TTC28: variants seen among roughly 807,000 people sequenced by gnomAD.
TTC28 encodes tetratricopeptide repeat protein 28.
TTC28 carries 61 observed loss-of-function variants against 198.0 expected under a neutral mutation model. The observed-to-expected ratio is 0.31, with a 90% CI of 0.25 to 0.38. The LOEUF is 0.38. Among genes scored for constraint, TTC28 ranks in the 10% least tolerant of loss-of-function variants. TTC28 has a pLI of 1.00. For synonymous variants in TTC28, 1,171 were observed against 1,297.8 expected, an observed-to-expected ratio of 0.90 and a Z score of 2.10; for missense variants, 2,678 against 3,164.0, an observed-to-expected ratio of 0.85 and a Z score of 3.69.
chr22:28,621,736 G>C (rs1466110866), intron 2 of TTC28, among the ~76,000 whole-genome samples: 2 of 115,070 alleles, frequency 1.7e-5, no homozygotes, highest in South Asian at 2.9e-4. Context: ...GAGCAAGACT[G>C]TCTCTTAAAA....
intron 2 of TTC28, among the ~76,000 whole-genome samples, chr22:28,359,562 T>C (rs1025581575): frequency 6.6e-6 from 1 of 152,140 alleles, no homozygotes; most frequent in Non-Finnish European, 1.5e-5. Flanking sequence ...TCTAACACAT[T>C]TGGAGGAAAA....
chr22:28,490,113 C>T (rs957436999), intron 2 of TTC28, among the ~76,000 whole-genome samples: 2 of 152,128 alleles, frequency 1.3e-5, no homozygotes, highest in Non-Finnish European at 2.9e-5. Context: ...TTAGATGGTG[C>T]CCACCCAGAT....
intron 2 of TTC28, among the ~76,000 whole-genome samples, chr22:28,313,169 T>G (rs2045295464): frequency 6.6e-6 from 1 of 152,170 alleles, no homozygotes; most frequent in Non-Finnish European, 1.5e-5. Flanking sequence ...CAGGAAGAAG[T>G]TGAATCCCTG....
chr22:28,018,286 T>TGTGTGC (rs1555903325), intron 13 of TTC28, among the ~76,000 whole-genome samples: 2 of 97,312 alleles, frequency 2.1e-5, no homozygotes, highest in African/African-American at 8.3e-5. Context: ...TGTATGTGTG[T>TGTGTGC]GCGCGCGTGT....
chr22:28,392,153 C>T (rs1054144016), intron 2 of TTC28, among the ~76,000 whole-genome samples: 29 of 152,176 alleles, frequency 1.9e-4, no homozygotes, highest in African/African-American at 2.9e-4. Flanking sequence ...TTAGGCTGCT[C>T]GGGGGTCAGG....
chr22:28,553,465 C>G lies in TTC28; in HGVS notation c.381+76087G>C, dbSNP rs2049728906. 2.0e-5 allele frequency among the ~76,000 whole-genome samples: 3 copies of G among 151,740 alleles called. 1 individual carries two copies. The South Asian group carries it at 6.2e-4, about 32-fold the overall frequency. ...CCTGTCTGGGATGTGAGGAGCGCCT[C>G]TGCCCGGCCGCAACCCCGTCTGGGA... On this transcript the variant is annotated intron_variant, in intron 2 of 22. Transcript: ENST00000397906.
Position 28,046,935 on chromosome 22 carries a change from C to T in TTC28, c.3933-16569G>A, listed in dbSNP as rs560962864. Among the ~76,000 whole-genome samples, 8 of 152,300 alleles carry T rather than the reference C, an allele frequency of 5.3e-5. No individual in the cohort carries two copies. In the East Asian group the frequency reaches 1.5e-3, roughly 29 times the overall value. Reference sequence around the variant, plus strand: ...AATATCAGATACAGGTACTCTGCCTCACCTCCCCATGTCCAGATGCACATA... The same window carrying T: ...AATATCAGATACAGGTACTCTGCCTTACCTCCCCATGTCCAGATGCACATA... On this transcript the variant is annotated intron_variant, in intron 12 of 22. Coordinates refer to ENST00000397906, the MANE Select transcript of TTC28 (RefSeq NM_001145418.2).
chr22:28,545,953 T>A (rs1314693940), intron 2 of TTC28, among the ~76,000 whole-genome samples: 1 of 152,140 alleles, frequency 6.6e-6, no homozygotes, highest in Non-Finnish European at 1.5e-5. Context: ...TCCAACAAGA[T>A]TTTTTGTAGA....
intron 5 of TTC28, among the ~76,000 whole-genome samples, chr22:28,271,172 G>A (rs1330436724): frequency 6.6e-6 from 1 of 150,442 alleles, no homozygotes; most frequent in African/African-American, 2.4e-5. Context: ...CTGGTCTCAG[G>A]CAACTCTCAA....
chr22:28,232,781 C>G (rs1278023091), intron 5 of TTC28: 1 of 152,062 alleles, frequency 6.6e-6, no homozygotes, highest in Non-Finnish European at 1.5e-5. Context: ...TTGATGACAT[C>G]ACATTGTCTA....
chr22:28,368,005 A>T (rs988269330), intron 2 of TTC28, among the ~76,000 whole-genome samples: 1 of 151,976 alleles, frequency 6.6e-6, no homozygotes, highest in Admixed American at 6.6e-5. Context: ...ACTAATACCA[A>T]ATCAAACTGT....
At chr22:28,003,151 C>CA (rs1937782715) in intron 14 of TTC28, among the ~76,000 whole-genome samples, 1 of 152,104 alleles carries the variant, frequency 6.6e-6, no homozygotes, top group Non-Finnish European at 1.5e-5. Flanking sequence ...AGTTGTAGGG[C>CA]ACCTGGGCCC....
intron 2 of TTC28, among the ~76,000 whole-genome samples, chr22:28,346,032 T>C (rs1172794320): frequency 6.6e-6 from 1 of 152,182 alleles, no homozygotes; most frequent in African/African-American, 2.4e-5. Context: ...AAAACAAACA[T>C]TATCAAATGT....
intron 5 of TTC28, among the ~76,000 whole-genome samples, chr22:28,210,709 C>T (rs1030028009): frequency 3.9e-5 from 6 of 152,248 alleles, no homozygotes; most frequent in South Asian, 2.1e-4. Flanking sequence ...AGTTGGAAAA[C>T]ACTCTGTAGG....
intron 2 of TTC28, among the ~76,000 whole-genome samples, chr22:28,549,550 G>A (rs1452639981): frequency 2.6e-5 from 4 of 152,150 alleles, no homozygotes; most frequent in Non-Finnish European, 5.9e-5. Flanking sequence ...AGTTCTCAAA[G>A]GATTTGGATT....
chr22:28,042,932 T>C (rs1939712537), intron 12 of TTC28, among the ~76,000 whole-genome samples: 1 of 151,924 alleles, frequency 6.6e-6, no homozygotes. Context: ...GCTCTGACCA[T>C]AAACATTCTA....
intron 21 of TTC28, chr22:27,986,262 C>A (rs1937211962): frequency 2.0e-5 from 3 of 152,316 alleles, no homozygotes; most frequent in Non-Finnish European, 4.4e-5. Flanking sequence ...TTCTCCTGTG[C>A]TGTCTCTCCT....
At chr22:28,040,806 G>A (rs1939598834) in intron 12 of TTC28, among the ~76,000 whole-genome samples, 1 of 152,152 alleles carries the variant, frequency 6.6e-6, no homozygotes, top group African/African-American at 2.4e-5. Context: ...GTCTCTGTTT[G>A]CAGATGACAT....
chr22:28,116,484 T>G (rs1942634025), intron 6 of TTC28, among the ~76,000 whole-genome samples: 1 of 152,160 alleles, frequency 6.6e-6, no homozygotes, highest in Non-Finnish European at 1.5e-5. Flanking sequence ...TGGGAGAGAC[T>G]TGGTGGGAAG....
Sources: gnomAD v4.1 joint callset for allele counts (sites outside exome capture counted in the v4.1 genomes callset) on GRCh38, gnomAD v4.1.1 for gene constraint, MANE v1.5 for transcripts, NCBI Gene and HGNC (gene_info 2026-07-23, HGNC 2026-07-21) for gene names.